Variants in MEG3 observed in about 807,000 individuals in gnomAD.
MEG3 encodes the protein maternally expressed 3, also known as Very putative protein from MEG3 locus.
At chr14:100,835,892 C>T in intron 1 of MEG3, 1 of 291,800 alleles carries the variant, frequency 3.4e-6, no homozygotes, top group Non-Finnish European at 6.5e-6. Context: ...GGGTGTTGCC[C>T]CCGCCTGCCT....
At chr14:100,833,726 G>A (rs2037465413), downstream of MEG3, 1 of 152,046 alleles carries the variant, frequency 6.6e-6, no homozygotes. Flanking sequence ...CCAAGCTCTG[G>A]ACATTTCTCA....
intron 2 of MEG3, among the ~76,000 whole-genome samples, chr14:100,844,512 G>A (rs1368260809): frequency 2.0e-5 from 3 of 152,092 alleles, no homozygotes; most frequent in East Asian, 1.9e-4. Flanking sequence ...AGAAACATTG[G>A]TGGGAAAGTA....
chr14:100,837,498 G>A lies in MEG3; in HGVS notation n.3045+1198G>A, dbSNP rs1031452600. Among the ~76,000 whole-genome samples, 2 of 152,092 alleles carry A rather than the reference G, an allele frequency of 1.3e-5. No individual in the cohort carries two copies. Among genetic ancestry groups the A allele is most frequent in the Non-Finnish European group, 2.9e-5 (2 of 68,018 alleles). On this transcript the variant is annotated intron_variant and non_coding_transcript_variant, in intron 2 of 3. Coordinates refer to the MEG3 transcript ENST00000398461. The surrounding 1 kb of genome is among the most constrained non-coding windows in gnomAD (Gnocchi z 5.8). Reference sequence around the variant, plus strand: ...CCAGACATTTATGGAGGCTTGAGGGGGCCCTAGCACTGTCCTTGGCCCAGA... The same window carrying A: ...CCAGACATTTATGGAGGCTTGAGGGAGCCCTAGCACTGTCCTTGGCCCAGA...
chr14:100,859,225 GGT>G (rs1190563883), exon 1 of MEG3: 2 of 152,222 alleles, frequency 1.3e-5, no homozygotes, highest in Non-Finnish European at 2.9e-5. Context: ...AAAAGGAAAG[GGT>G]GTGTTTCTTG....
intron 1 of MEG3, among the ~76,000 whole-genome samples, chr14:100,826,745 C>G (rs2037243218): frequency 6.6e-6 from 1 of 152,178 alleles, no homozygotes. Flanking sequence ...AGTGGAGGTT[C>G]CTCTTCGCGA....
At chr14:100,860,174 C>G (rs926723124) in exon 1 of MEG3, 3 of 175,992 alleles carry the variant, frequency 1.7e-5, no homozygotes, top group Non-Finnish European at 3.7e-5. Flanking sequence ...AAAGCACCAG[C>G]CTGCTCTGGG....
At chr14:100,860,463 G>A in intron 1 of MEG3, 1 of 358,854 alleles carries the variant, frequency 2.8e-6, no homozygotes, top group South Asian at 2.1e-5. Context: ...TCTGCAAGTG[G>A]GCCGAGTCTA....
Position 100,845,201 on chromosome 14 carries a change from C to T in MEG3, n.3046-257C>T, listed in dbSNP as rs1006574973. 2.6e-5 allele frequency among the ~76,000 whole-genome samples: 4 copies of T among 152,212 alleles called. No homozygotes were observed. Among genetic ancestry groups the T allele is most frequent in the South Asian group, 2.1e-4 (1 of 4,826 alleles). ...CTTTGGGTCCCACAGAGCACGACTT[C>T]GCTCCGTGAACAGCACCAACCCAAG... On this transcript the variant is annotated intron_variant and non_coding_transcript_variant, in intron 2 of 3. Coordinates refer to the MEG3 transcript ENST00000398461. The surrounding 1 kb of genome is among the most constrained non-coding windows in gnomAD (Gnocchi z 5.2).
intron 2 of MEG3, among the ~76,000 whole-genome samples, chr14:100,839,359 C>A (rs2037683932): frequency 6.6e-6 from 1 of 152,308 alleles, no homozygotes; most frequent in African/African-American, 2.4e-5. Flanking sequence ...TTTCTCTGAG[C>A]CCTGTCCCCT....
chr14:100,852,837 G>C (rs555390963), upstream of MEG3: 1 of 180,952 alleles, frequency 5.5e-6, no homozygotes, highest in African/African-American at 2.4e-5. Flanking sequence ...GTCCTGACGG[G>C]TCACAGTGGG....
intron 1 of MEG3, among the ~76,000 whole-genome samples, chr14:100,827,826 G>T (rs1040770771): frequency 4.6e-5 from 7 of 152,214 alleles, no homozygotes; most frequent in African/African-American, 1.7e-4. Context: ...CTGGAGGACT[G>T]GGTCTTTCTG....
At chr14:100,846,737 A>AATATATAAAT (rs1316346052) in intron 3 of MEG3, 1 of 152,238 alleles carries the variant, frequency 6.6e-6, no homozygotes, top group Non-Finnish European at 1.5e-5. Flanking sequence ...CTAGGCAATC[A>AATATATAAAT]ATATATAAAT....
At chr14:100,835,993 C>T (rs1307923781) in intron 1 of MEG3, 2 of 343,794 alleles carry the variant, frequency 5.8e-6, no homozygotes, top group African/African-American at 4.4e-5. Flanking sequence ...TGCCCCTAAC[C>T]CAGCCCGTTG....
chr14:100,835,167 C>A (rs2037529024), exon 1 of MEG3: 2 of 256,892 alleles, frequency 7.8e-6, no homozygotes, highest in Non-Finnish European at 1.6e-5. Flanking sequence ...AGCCCCTTCT[C>A]CCTCTCTGCC....
chr14:100,831,901 T>C (rs891000271), downstream of MEG3: 7 of 152,238 alleles, frequency 4.6e-5, no homozygotes, highest in African/African-American at 1.7e-4. Flanking sequence ...GCAGGTCAGG[T>C]GGGATGTCTC....
intron 3 of MEG3, chr14:100,847,265 A>G (rs1409504080): frequency 6.6e-6 from 1 of 152,204 alleles, no homozygotes; most frequent in Admixed American, 6.5e-5. Context: ...AAGTCTGCAC[A>G]TAAATAAATA....
exon 1 of MEG3, chr14:100,860,015 T>TAA (rs1448872748): frequency 1.3e-5 from 2 of 152,756 alleles, no homozygotes; most frequent in African/African-American, 4.8e-5. Flanking sequence ...TTGTGTGAAA[T>TAA]AAACGCTTTG....
intron 2 of MEG3, among the ~76,000 whole-genome samples, chr14:100,839,341 C>T (rs78654539): frequency 0.11 from 17,254 of 152,200 alleles, 1,218 homozygotes; most frequent in Admixed American, 0.18. Context: ...GGTTCCCCCT[C>T]CCTGCTGTTT....
At chr14:100,841,093 C>T (rs1187950438) in intron 2 of MEG3, among the ~76,000 whole-genome samples, 4 of 152,172 alleles carry the variant, frequency 2.6e-5, no homozygotes, top group Admixed American at 6.5e-5. Flanking sequence ...AGAGAGGGGA[C>T]GCTTCAGGTT....
Sources: gnomAD v4.1 joint callset for allele counts (sites outside exome capture counted in the v4.1 genomes callset) on GRCh38, gnomAD v4.1.1 for gene constraint, Gnocchi (gnomAD v3.1) non-coding constraint, MANE v1.5 for transcripts, NCBI Gene and HGNC (gene_info 2026-07-23, HGNC 2026-07-21) for gene names.